The following FAF1 variants were observed in gnomAD, a reference collection of about 807,000 sequenced individuals.
FAF1 encodes FAS-associated factor 1.
A neutral mutation model predicts 92.5 loss-of-function variants in FAF1; 25 were observed. That is an observed-to-expected ratio of 0.27 (90% confidence interval 0.20 to 0.38). The LOEUF (loss-of-function observed/expected upper bound fraction) is 0.38. Among genes scored for constraint, FAF1 ranks in the 10% least tolerant of loss-of-function variants. The probability of loss-of-function intolerance (pLI) is 1.00; values close to 1 mark genes in which losing one functional copy is unlikely to be tolerated. For synonymous variants in FAF1, 234 were observed against 273.2 expected (o/e 0.86, Z 1.42); for missense variants, 636 against 793.3 (o/e 0.80, Z 2.38).
intron 15 of FAF1, among the ~76,000 whole-genome samples, chr1:50,531,975 C>A (rs1648195842): frequency 6.6e-6 from 1 of 152,096 alleles, no homozygotes; most frequent in Non-Finnish European, 1.5e-5. Context: ...ATTTTAATTT[C>A]AAACTTAAGT....
chr1:50,762,408 C>G (rs1423958850), intron 4 of FAF1, among the ~76,000 whole-genome samples: 44 of 152,102 alleles, frequency 2.9e-4, no homozygotes, highest in Admixed American at 1.3e-3. Context: ...AAGAACAAAG[C>G]TGGAGGCATC....
intron 6 of FAF1, chr1:50,714,899 T>C (rs1476624195): frequency 6.7e-6 from 2 of 296,322 alleles, no homozygotes; most frequent in Non-Finnish European, 1.3e-5. Flanking sequence ...TAGCATTGAG[T>C]GTCCTGAGTC....
rs1226129916 is a variant in FAF1 at position 50,550,725 on chromosome 1, T to TA, written c.1269-10998dup. Among the ~76,000 whole-genome samples, 16 of 152,332 alleles carry TA rather than the reference T, an allele frequency of 1.1e-4. 1 individual carries two copies. In the East Asian group the frequency reaches 2.3e-3, roughly 22 times the overall value. ...CTGCTTTTACAGGGGATTTATATTT[T>TA]AAAAAACTATTTAAAATAATCTGTC... On this transcript the variant is annotated intron_variant, in intron 13 of 18. Coordinates refer to ENST00000396153, the MANE Select transcript of FAF1 (RefSeq NM_007051.3).
At chr1:50,732,265 C>T (rs917491568) in intron 6 of FAF1, among the ~76,000 whole-genome samples, 3 of 151,778 alleles carry the variant, frequency 2.0e-5, no homozygotes, top group East Asian at 1.9e-4. Context: ...TTAGTAGAGA[C>T]GGGGTTTCAC....
chr1:50,443,397 G>C (rs1646191947), intron 18 of FAF1, among the ~76,000 whole-genome samples: 1 of 152,142 alleles, frequency 6.6e-6, no homozygotes, highest in South Asian at 2.1e-4. Flanking sequence ...GCTGGAATTT[G>C]AGAAGGAGGA....
At chr1:50,515,489 T>C (rs1647205679) in intron 15 of FAF1, among the ~76,000 whole-genome samples, 1 of 152,254 alleles carries the variant, frequency 6.6e-6, no homozygotes, top group East Asian at 1.9e-4. Flanking sequence ...TAGGTCTAGC[T>C]TGGAAGCCAA....
intron 2 of FAF1, among the ~76,000 whole-genome samples, chr1:50,810,026 C>A (rs1457437340): frequency 6.6e-6 from 1 of 152,094 alleles, no homozygotes; most frequent in African/African-American, 2.4e-5. Context: ...GAGGCTGAGG[C>A]CCGTGGATCA....
chr1:50,886,534 C>A (rs186116857), intron 1 of FAF1, among the ~76,000 whole-genome samples: 2 of 152,072 alleles, frequency 1.3e-5, no homozygotes, highest in Admixed American at 6.6e-5. Context: ...CCCACTCCCC[C>A]CACCCCACAA....
chr1:50,738,391 C>G (rs1053102475), intron 6 of FAF1, among the ~76,000 whole-genome samples: 1 of 134,284 alleles, frequency 7.4e-6, no homozygotes, highest in African/African-American at 2.9e-5. Flanking sequence ...TGCGGTGAGC[C>G]AAGATCGTAC....
intron 8 of FAF1, among the ~76,000 whole-genome samples, chr1:50,632,779 GTTC>G (rs905037977): frequency 6.6e-6 from 1 of 152,076 alleles, no homozygotes; most frequent in African/African-American, 2.4e-5. Context: ...TGTTTGTGGT[GTTC>G]TTCTTCTTCC....
chr1:50,865,980 A>G (rs531921689), intron 1 of FAF1, among the ~76,000 whole-genome samples: 3 of 152,262 alleles, frequency 2.0e-5, no homozygotes, highest in South Asian at 2.1e-4. Context: ...ATCCAACTGC[A>G]TATCAAAATG....
chr1:50,921,353 A>T (rs1644961485), intron 1 of FAF1, among the ~76,000 whole-genome samples: 2 of 152,228 alleles, frequency 1.3e-5, no homozygotes, highest in African/African-American at 4.8e-5. Context: ...AATCAGCTTG[A>T]CACCTCCTGC....
chr1:50,788,236 G>A (rs774208666), intron 3 of FAF1, 31 bp from the exon 4 acceptor site: 1 of 1,570,482 alleles, frequency 6.4e-7, no homozygotes, highest in Non-Finnish European at 8.8e-7. Flanking sequence ...AAGGATTATT[G>A]TCAACTAAAT....
At chr1:50,648,824 G>A (rs758185583) in intron 8 of FAF1, among the ~76,000 whole-genome samples, 13 of 152,298 alleles carry the variant, frequency 8.5e-5, no homozygotes, top group Non-Finnish European at 1.3e-4. Flanking sequence ...TACTCGGGAA[G>A]CTGAGGTAGG....
intron 4 of FAF1, among the ~76,000 whole-genome samples, chr1:50,761,081 A>C (rs1176453598): frequency 6.6e-6 from 1 of 152,220 alleles, no homozygotes; most frequent in Non-Finnish European, 1.5e-5. Flanking sequence ...TAAACTAGAA[A>C]ATCTAGAAGA....
At chr1:50,909,882 C>G (rs779398507) in intron 1 of FAF1, among the ~76,000 whole-genome samples, 2 of 152,222 alleles carry the variant, frequency 1.3e-5, no homozygotes, top group Non-Finnish European at 2.9e-5. Flanking sequence ...CTTGTCTCAA[C>G]TCGTCAAAGT....
At chr1:50,445,485 G>A (rs718257) in intron 18 of FAF1, among the ~76,000 whole-genome samples, 37,775 of 152,082 alleles carry the variant, frequency 0.25, 5,163 homozygotes, top group Middle Eastern at 0.43. Flanking sequence ...TCTATATAGA[G>A]AAAGAAGTTG....
intron 6 of FAF1, among the ~76,000 whole-genome samples, chr1:50,713,386 G>C (rs1027904943): frequency 6.6e-6 from 1 of 151,894 alleles, no homozygotes; most frequent in African/African-American, 2.4e-5. Context: ...CGATTCTCCT[G>C]CCTCAGCCTC....
At chr1:50,648,855 G>A (rs1330127340) in intron 8 of FAF1, among the ~76,000 whole-genome samples, 1 of 152,206 alleles carries the variant, frequency 6.6e-6, no homozygotes, top group African/African-American at 2.4e-5. Flanking sequence ...GAACCCAGGA[G>A]GCGGAGGTTG....
Sources: allele counts gnomAD v4.1 joint callset (sites outside exome capture counted in the v4.1 genomes callset), GRCh38; gene constraint gnomAD v4.1.1; transcripts MANE v1.5; gene names NCBI Gene and HGNC (gene_info 2026-07-23, HGNC 2026-07-21).